Variants in ZPBP observed in about 807,000 individuals in gnomAD.
The protein encoded by ZPBP is zona pellucida binding protein, also known as zona pellucida-binding protein 1.
ZPBP carries 26 observed loss-of-function variants against 44.8 expected under a neutral mutation model. The observed-to-expected ratio is 0.58, with a 90% CI of 0.43 to 0.81. ZPBP has a LOEUF of 0.81. Ranked by LOEUF, ZPBP falls within the 30% of genes least tolerant of loss-of-function variation. ZPBP has a pLI of 0.00. For synonymous variants in ZPBP, 174 were observed against 153.2 expected (o/e 1.14, Z -1.00); for missense variants, 409 against 434.0 (o/e 0.94, Z 0.51).
In ZPBP at chr7:50,059,822, CCT is replaced by C. The variant is rs542521678; in HGVS notation, c.335-1683_335-1682del. ...GTATACAATCTGTAATAAAATGCCC[CCT>C]GACTGCCTTCTTATTTAAAAAATGT... is the stretch of plus-strand genomic sequence containing the variant. On this transcript the variant is annotated intron_variant, in intron 3 of 7. Transcript: ENST00000046087. 4.9e-4 allele frequency among the ~76,000 whole-genome samples: 75 copies of C among 151,930 alleles called. 1 individual carries two copies. The highest frequency in any genetic ancestry group is 4.1e-4 in the African/African-American group (17 of 41,426).
Position 50,031,089 on chromosome 7 carries a change from T to C in ZPBP, c.706+3A>G. Reference sequence around the variant, plus strand: ...GCTTTTCTAACAAATTGTATAGACTTACCTGAAAATGCAAAGAACAATTCA... The same window carrying C: ...GCTTTTCTAACAAATTGTATAGACTCACCTGAAAATGCAAAGAACAATTCA... On this transcript the variant is annotated splice_donor_region_variant and intron_variant, in intron 5 of 7. Coordinates refer to ENST00000046087, the MANE Select transcript of ZPBP (RefSeq NM_007009.3). The C allele has an allele frequency of 6.2e-7, 1 of 1,613,090 alleles. No homozygotes were observed. The highest frequency in any genetic ancestry group is 8.5e-7 in the Non-Finnish European group (1 of 1,179,618).
At chr7:50,065,774 T>C (rs1351371360) in intron 3 of ZPBP, among the ~76,000 whole-genome samples, 6 of 151,000 alleles carry the variant, frequency 4.0e-5, no homozygotes, top group Non-Finnish European at 7.4e-5. Flanking sequence ...ATTAAAATGC[T>C]TTTAGAATGA....
At chr7:50,010,480 C>T (rs961882008) in intron 6 of ZPBP, among the ~76,000 whole-genome samples, 1 of 151,070 alleles carries the variant, frequency 6.6e-6, no homozygotes, top group Admixed American at 6.6e-5. Flanking sequence ...ATTACTAAAA[C>T]GTTATCACAT....
At chr7:49,997,484 C>A (rs1041724799) in intron 6 of ZPBP, among the ~76,000 whole-genome samples, 43 of 152,202 alleles carry the variant, frequency 2.8e-4, no homozygotes, top group African/African-American at 1.0e-3. Context: ...GTATGGCCAC[C>A]TCCCTCATTG....
intron 6 of ZPBP, among the ~76,000 whole-genome samples, chr7:50,000,550 G>T (rs779131386): frequency 6.6e-6 from 1 of 152,064 alleles, no homozygotes; most frequent in Non-Finnish European, 1.5e-5. Flanking sequence ...TCCAATGCAG[G>T]TCTCCCTACC....
chr7:50,085,620 T>C (rs994722696), intron 2 of ZPBP, among the ~76,000 whole-genome samples: 1 of 152,080 alleles, frequency 6.6e-6, no homozygotes, highest in South Asian at 2.1e-4. Context: ...AGACCTCGTA[T>C]TAAAGGCTGC....
chr7:49,970,934 C>G (rs951375297), intron 7 of ZPBP, among the ~76,000 whole-genome samples: 2 of 151,876 alleles, frequency 1.3e-5, no homozygotes, highest in Admixed American at 6.6e-5. Context: ...GTTCCAGCTA[C>G]TCAGGGGGCT....
intron 3 of ZPBP, among the ~76,000 whole-genome samples, chr7:50,069,279 G>A (rs903759070): frequency 6.6e-6 from 1 of 152,120 alleles, no homozygotes; most frequent in Non-Finnish European, 1.5e-5. Flanking sequence ...TGCCTTTCCA[G>A]AGACTTTTTT....
chr7:49,924,707 T>C (rs1318474188), intron 1 of ZPBP, among the ~76,000 whole-genome samples: 2 of 152,274 alleles, frequency 1.3e-5, no homozygotes, highest in Non-Finnish European at 1.5e-5. Context: ...TCTGTCAAGA[T>C]AGACTAGCCC....
chr7:50,071,370 C>A (rs537208227), intron 3 of ZPBP, among the ~76,000 whole-genome samples: 2 of 152,278 alleles, frequency 1.3e-5, no homozygotes, highest in African/African-American at 4.8e-5. Flanking sequence ...TGAGTGCCTG[C>A]AAACCTTGCC....
chr7:50,005,693 G>C (rs2128797488), intron 6 of ZPBP, among the ~76,000 whole-genome samples: 1 of 151,952 alleles, frequency 6.6e-6, no homozygotes, highest in South Asian at 2.1e-4. Flanking sequence ...ACACAAAAAG[G>C]AAGAGAGTAA....
the ZPBP span, among the ~76,000 whole-genome samples, chr7:49,841,220 CCT>C: frequency 6.6e-6 from 1 of 152,126 alleles, no homozygotes; most frequent in Non-Finnish European, 1.5e-5. Context: ...CTGACTATTC[CCT>C]GTTTGCAGAG....
intron 3 of ZPBP, among the ~76,000 whole-genome samples, chr7:50,073,838 T>C (rs1207510515): frequency 6.6e-6 from 1 of 152,076 alleles, no homozygotes; most frequent in Admixed American, 6.5e-5. Flanking sequence ...AGAAATAGAC[T>C]TTCCCAGACA....
chr7:50,064,595 A>G (rs996893193), intron 3 of ZPBP, among the ~76,000 whole-genome samples: 8 of 152,202 alleles, frequency 5.3e-5, no homozygotes, highest in Non-Finnish European at 4.4e-5. Context: ...GGGATGTTCC[A>G]TGCTGAGAAA....
chr7:49,968,229 GC>G (rs1219698283), intron 7 of ZPBP, among the ~76,000 whole-genome samples: 1 of 151,786 alleles, frequency 6.6e-6, no homozygotes, highest in Non-Finnish European at 1.5e-5. Flanking sequence ...TAGACTAAAA[GC>G]CATTATATTT....
chr7:49,999,270 G>GTA (rs35784620), intron 6 of ZPBP, among the ~76,000 whole-genome samples: 74,000 of 147,728 alleles, frequency 0.5, 19,311 homozygotes, highest in East Asian at 0.69. Context: ...ATATGTGTGT[G>GTA]TATATATATA....
chr7:49,848,333 G>A (rs561235256), downstream of ZPBP, among the ~76,000 whole-genome samples: 3 of 152,168 alleles, frequency 2.0e-5, no homozygotes, highest in Non-Finnish European at 4.4e-5. Flanking sequence ...TCTCTCCTGT[G>A]GGGTAGCTCC....
chr7:49,938,160 A>G (rs1018001438), intron 7 of ZPBP, among the ~76,000 whole-genome samples: 2 of 152,166 alleles, frequency 1.3e-5, no homozygotes, highest in Admixed American at 6.5e-5. Context: ...CAGAAGCCAC[A>G]AGAGGTCAAC....
intron 4 of ZPBP, among the ~76,000 whole-genome samples, chr7:50,032,861 C>G (rs571633317): frequency 2.0e-5 from 3 of 152,112 alleles, no homozygotes; most frequent in Non-Finnish European, 4.4e-5. Context: ...CAAGATGATT[C>G]ATGGAATAGA....
Sources: gnomAD v4.1 joint callset for allele counts (sites outside exome capture counted in the v4.1 genomes callset) on GRCh38, gnomAD v4.1.1 for gene constraint, MANE v1.5 for transcripts, NCBI Gene and HGNC (gene_info 2026-07-23, HGNC 2026-07-21) for gene names.